SEPTIN9: variants seen among roughly 807,000 people sequenced by gnomAD.
SEPTIN9 encodes the protein septin-9.
SEPTIN9 carries 13 observed loss-of-function variants against 56.6 expected under a neutral mutation model. The observed-to-expected ratio is 0.23, with a 90% CI of 0.15 to 0.37. SEPTIN9 has a LOEUF of 0.37. SEPTIN9 is among the 10% of genes least tolerant of loss of function. SEPTIN9 has a pLI of 1.00. For missense variants in SEPTIN9, 650 were observed against 823.1 expected (o/e 0.79, Z 2.57); for synonymous variants, 332 against 334.1 (o/e 0.99, Z 0.07).
intron 3 of SEPTIN9, among the ~76,000 whole-genome samples, chr17:77,454,956 G>T (rs1012338265): frequency 1.3e-5 from 2 of 152,162 alleles, no homozygotes; most frequent in African/African-American, 2.4e-5. Flanking sequence ...CTGGGGGTGG[G>T]GGGTCAGTGC....
rs2033949686 is a variant in SEPTIN9, at chr17:77,348,296, T to TTTG, written c.76+41101_76+41102insGTT. Among the ~76,000 whole-genome samples the TTTG allele has an allele frequency of 6.8e-5, 9 of 133,142 alleles. No individual in the cohort carries two copies. In the South Asian group the frequency reaches 1.4e-3, roughly 21 times the overall value. The allele number at this position is 133,142 out of a possible 152,430, so 87.3% of individuals were successfully genotyped here. A position where few individuals can be genotyped will look rare whatever the true frequency, so the allele number is the denominator to read the frequency against. ...TTTAGAATTCTATTTTAATTTATGT[T>TTTG]TTTTTTTTTTTTTTTTTTTTAAGAC... On this transcript the variant is annotated intron_variant, in intron 2 of 11. Transcript: ENST00000427177.
At chr17:77,477,323 C>T (rs1032558875) in intron 3 of SEPTIN9, among the ~76,000 whole-genome samples, 46 of 152,190 alleles carry the variant, frequency 3.0e-4, no homozygotes, top group Admixed American at 3.0e-3. Flanking sequence ...CCTCCCCCAG[C>T]CCCTGGAAAT....
chr17:77,374,313 G>T (rs561707299), intron 2 of SEPTIN9: 278 of 152,680 alleles, frequency 1.8e-3, no homozygotes, highest in African/African-American at 6.4e-3. Flanking sequence ...GACTTGCGGG[G>T]CTGCTCTGTC....
chr17:77,349,463 T>C (rs1316324036), intron 2 of SEPTIN9, among the ~76,000 whole-genome samples: 1 of 152,184 alleles, frequency 6.6e-6, no homozygotes, highest in Non-Finnish European at 1.5e-5. Context: ...GAATTCTGAG[T>C]TGTCAGTTTT....
intron 1 of SEPTIN9, among the ~76,000 whole-genome samples, chr17:77,296,541 C>T (rs1415305872): frequency 6.6e-6 from 1 of 152,084 alleles, no homozygotes; most frequent in Non-Finnish European, 1.5e-5. Flanking sequence ...TAGACACAGA[C>T]AGGCAGACAG....
chr17:77,306,900 G>T (rs774945595), intron 1 of SEPTIN9, among the ~76,000 whole-genome samples: 2 of 152,226 alleles, frequency 1.3e-5, no homozygotes, highest in Non-Finnish European at 1.5e-5. Flanking sequence ...AGGGCTTGGG[G>T]GAGGATGTGT....
intron 2 of SEPTIN9, among the ~76,000 whole-genome samples, chr17:77,335,427 C>G (rs2069283937): frequency 6.7e-6 from 1 of 150,182 alleles, no homozygotes; most frequent in South Asian, 2.1e-4. Context: ...TACATATATA[C>G]ATGTAGGCCC....
chr17:77,392,725 A>G (rs1159343042), intron 2 of SEPTIN9, among the ~76,000 whole-genome samples: 1 of 151,986 alleles, frequency 6.6e-6, no homozygotes, highest in East Asian at 1.9e-4. Context: ...GGTTTGAACT[A>G]TCTGGCTGCG....
In SEPTIN9 at chr17:77,425,975, A is replaced by G. The variant is rs980067010; in HGVS notation, c.721+23272A>G. On this transcript the variant is annotated intron_variant, in intron 3 of 11. Coordinates refer to ENST00000427177, the MANE Select transcript of SEPTIN9 (RefSeq NM_001113491.2). This position sits in a 1 kb window ranked among gnomAD's most constrained non-coding sequence, Gnocchi z 4.2. Reference sequence around the variant, plus strand: ...GTGTGTGCGGCTGTGAGTTCAGGCCATGCCCTCAGACTGGAGGATAGGATC... The same window carrying G: ...GTGTGTGCGGCTGTGAGTTCAGGCCGTGCCCTCAGACTGGAGGATAGGATC... Among the ~76,000 whole-genome samples the G allele has an allele frequency of 6.6e-6, 1 of 152,130 alleles. No individual in the cohort carries two copies. The highest frequency in any genetic ancestry group is 1.5e-5 in the Non-Finnish European group (1 of 68,038).
intron 4 of SEPTIN9, among the ~76,000 whole-genome samples, chr17:77,486,935 C>G (rs1328775608): frequency 2.0e-5 from 3 of 152,192 alleles, no homozygotes; most frequent in Admixed American, 2.0e-4. Context: ...ACGGTGAGGT[C>G]AGGTGACTTG....
At chr17:77,296,184 G>A (rs1384229537) in intron 1 of SEPTIN9, among the ~76,000 whole-genome samples, 3 of 152,098 alleles carry the variant, frequency 2.0e-5, no homozygotes, top group East Asian at 1.9e-4. Flanking sequence ...TAACCCTGAC[G>A]GCACCTTGAT....
rs2040066646 is a variant in SEPTIN9 at position 77,492,351 on chromosome 17, CAGG to C, written c.1381-267_1381-265del. ...AGTACTTTCTTGGGGCTGTGATGAGCAGGAGAAGAGAGGTGGGAGGTGCTCAGG... is the reference window on the plus strand; with the variant it reads ...AGTACTTTCTTGGGGCTGTGATGAGCAGAAGAGAGGTGGGAGGTGCTCAGG... On this transcript the variant is annotated intron_variant, in intron 8 of 11. Coordinates refer to ENST00000427177, the MANE Select transcript of SEPTIN9 (RefSeq NM_001113491.2). This position sits in a 1 kb window ranked among gnomAD's most constrained non-coding sequence, Gnocchi z 5.4. Among the ~76,000 whole-genome samples the C allele has an allele frequency of 6.6e-6, 1 of 152,104 alleles. No homozygotes were observed. Among genetic ancestry groups the C allele is most frequent in the African/African-American group, 2.4e-5 (1 of 41,420 alleles).
chr17:77,345,251 C>T (rs1229343555), intron 2 of SEPTIN9, among the ~76,000 whole-genome samples: 1 of 152,122 alleles, frequency 6.6e-6, no homozygotes, highest in African/African-American at 2.4e-5. Flanking sequence ...GGTTACACAA[C>T]AGTGTGAATG....
chr17:77,388,091 G>A (rs1568030345), intron 2 of SEPTIN9, among the ~76,000 whole-genome samples: 1 of 152,098 alleles, frequency 6.6e-6, no homozygotes, highest in Admixed American at 6.5e-5. Context: ...GGGCCCCCTC[G>A]CTGTGTCTGG....
Position 77,493,045 on chromosome 17 carries a change from T to C in SEPTIN9, c.1542T>C (p.Leu514=). 1 of 1,564,636 alleles carries C rather than the reference T, an allele frequency of 6.4e-7. No homozygotes were observed. The highest frequency in any genetic ancestry group is 8.7e-7 in the Non-Finnish European group (1 of 1,154,936). The change falls in exon 10 of 12, where the codon CTT becomes CTC. Residue 514 remains leucine (L), a synonymous_variant. Coordinates refer to ENST00000427177, the MANE Select transcript of SEPTIN9 (RefSeq NM_001113491.2). ...ACCAGGTCAACGGCAAGAGGATCCT[T>C]GGGAGGAAGACCAAGTGGGGTACCA... The part of the protein sequence containing the change: ...HEYQVNGKRI[L]GRKTKWGTIE...
At chr17:77,343,389 C>T (rs1342927412) in intron 2 of SEPTIN9, among the ~76,000 whole-genome samples, 2 of 152,190 alleles carry the variant, frequency 1.3e-5, no homozygotes, top group African/African-American at 4.8e-5. Flanking sequence ...GCTGGGAGGG[C>T]AGTGTACCCT....
At position 77,499,834 on chromosome 17, in the gene SEPTIN9, C is replaced by T. The variant is rs2040430740; in HGVS notation, c.*1176C>T. ...GCGAGCCTGACTCTGTTGATCTACCCGTGCCTGGGCCCCTCCCCTCAGAGC... is the reference window on the plus strand; with the variant it reads ...GCGAGCCTGACTCTGTTGATCTACCTGTGCCTGGGCCCCTCCCCTCAGAGC... On this transcript the variant is annotated 3_prime_UTR_variant, in exon 12 of 12. Coordinates refer to ENST00000427177, the MANE Select transcript of SEPTIN9 (RefSeq NM_001113491.2). 7 of 317,198 alleles carry T rather than the reference C, an allele frequency of 2.2e-5. No individual in the cohort carries two copies. Among genetic ancestry groups the T allele is most frequent in the South Asian group, 1.5e-4 (3 of 19,608 alleles). 19.6% of individuals were successfully genotyped at this position (317,198 alleles called of 1,614,324 possible). A position where few individuals can be genotyped will look rare whatever the true frequency, so the allele number is the denominator to read the frequency against.
At chr17:77,480,085 G>A (rs1209990191) in intron 3 of SEPTIN9, among the ~76,000 whole-genome samples, 3 of 152,202 alleles carry the variant, frequency 2.0e-5, no homozygotes, top group Non-Finnish European at 4.4e-5. Context: ...GGGCCACGTG[G>A]GGGCACAGAG....
At chr17:77,340,350 AG>A (rs1210673046) in intron 2 of SEPTIN9, among the ~76,000 whole-genome samples, 1 of 152,136 alleles carries the variant, frequency 6.6e-6, no homozygotes, top group East Asian at 1.9e-4. Context: ...CATGTTGGCC[AG>A]GCTGGTCTCG....
Sources: allele counts gnomAD v4.1 joint callset (sites outside exome capture counted in the v4.1 genomes callset), GRCh38; gene constraint gnomAD v4.1.1; non-coding constraint Gnocchi (gnomAD v3.1); transcripts MANE v1.5; gene names NCBI Gene and HGNC (gene_info 2026-07-23, HGNC 2026-07-21).